The following NAALADL2 variants were observed in gnomAD, a reference collection of about 807,000 sequenced individuals.
NAALADL2 encodes the protein N-acetylated alpha-linked acidic dipeptidase like 2, also known as inactive N-acetylated-alpha-linked acidic dipeptidase-like protein 2.
A neutral mutation model predicts 87.2 loss-of-function variants in NAALADL2; 76 were observed. The observed-to-expected ratio is 0.87, with a 90% CI of 0.72 to 1.05. The LOEUF is 1.05. Among genes scored for constraint, NAALADL2 ranks in the 50% least tolerant of loss-of-function variants. The pLI, the probability that NAALADL2 is intolerant of heterozygous loss-of-function variation, is 0.00. For synonymous variants in NAALADL2, 354 were observed against 331.0 expected (o/e 1.07, Z -0.75); for missense variants, 1,089 against 945.8 (o/e 1.15, Z -1.99).
At chr3:175,708,139 A>G (rs756699039) in intron 11 of NAALADL2, among the ~76,000 whole-genome samples, 2 of 152,124 alleles carry the variant, frequency 1.3e-5, no homozygotes, top group South Asian at 4.1e-4. Flanking sequence ...ACTTCAAGAC[A>G]TAAATATAAA....
chr3:175,000,758 C>A (rs1353000238), intron 1 of NAALADL2, among the ~76,000 whole-genome samples: 1 of 152,138 alleles, frequency 6.6e-6, no homozygotes, highest in Non-Finnish European at 1.5e-5. Flanking sequence ...TAACACCAAC[C>A]ATTTAAAAAT....
intron 1 of NAALADL2, among the ~76,000 whole-genome samples, chr3:174,957,137 C>T (rs1014399435): frequency 1.3e-5 from 2 of 151,878 alleles, no homozygotes; most frequent in Admixed American, 6.6e-5. Context: ...TAACAAAAGG[C>T]GACAAGCATC....
chr3:175,713,532 C>G (rs773030387), intron 11 of NAALADL2, among the ~76,000 whole-genome samples: 11 of 151,916 alleles, frequency 7.2e-5, no homozygotes, highest in Non-Finnish European at 1.3e-4. Flanking sequence ...GAATTCCATG[C>G]CTTCTGATAT....
intron 1 of NAALADL2, among the ~76,000 whole-genome samples, chr3:175,079,832 A>T (rs1717393772): frequency 7.4e-6 from 1 of 135,612 alleles, no homozygotes; most frequent in African/African-American, 3.0e-5. Flanking sequence ...ACATACTCAA[A>T]CAGTTATTCA....
At chr3:175,495,094 T>TATATATATATATATATATATATA (rs1167550415) in intron 9 of NAALADL2, among the ~76,000 whole-genome samples, 30 of 133,238 alleles carry the variant, frequency 2.3e-4, no homozygotes, top group Admixed American at 5.5e-4. Context: ...ATATATATAT[T>TATATATATATATATATATATATA]TTTTTTTAAT....
chr3:174,660,506 G>A (rs964066192), intron 2 of NAALADL2, among the ~76,000 whole-genome samples: 1 of 152,052 alleles, frequency 6.6e-6, no homozygotes, highest in Non-Finnish European at 1.5e-5. Context: ...AAATTTGTAG[G>A]TTGATTTTGA....
At chr3:175,069,018 G>C (rs1386214131) in intron 1 of NAALADL2, among the ~76,000 whole-genome samples, 1 of 152,020 alleles carries the variant, frequency 6.6e-6, no homozygotes, top group East Asian at 1.9e-4. Context: ...ATTCAAGATG[G>C]ATTAAAGACT....
At chr3:175,313,446 G>A (rs1317915449) in intron 4 of NAALADL2, among the ~76,000 whole-genome samples, 1 of 152,190 alleles carries the variant, frequency 6.6e-6, no homozygotes, top group Non-Finnish European at 1.5e-5. Context: ...TGTTTTGAAG[G>A]AGCTAAATGA....
rs553924735 is a variant in NAALADL2 at position 175,775,370 on chromosome 3, G to T, written c.2189+19952G>T. Among the ~76,000 whole-genome samples the T allele has an allele frequency of 1.8e-4, 27 of 152,058 alleles. 1 individual carries two copies. Among genetic ancestry groups the T allele is most frequent in the Middle Eastern group, 3.4e-3 (1 of 292 alleles). ...TTATCCTTGAATAATATTATTTTCA[G>T]ATGAAATTACTTGTAATAATAGTAG... On this transcript the variant is annotated intron_variant, in intron 13 of 13. Transcript: ENST00000454872.
chr3:174,717,411 A>G (rs1383211606), intron 2 of NAALADL2, among the ~76,000 whole-genome samples: 3 of 152,218 alleles, frequency 2.0e-5, no homozygotes, highest in Non-Finnish European at 4.4e-5. Context: ...GAAAAATGTC[A>G]TGCCGGTCTT....
At position 175,422,687 on chromosome 3, in the gene NAALADL2, T is replaced by C. The variant is rs78008096; in HGVS notation, c.1091-24542T>C. ...CAGAGACAAAAAATAACTTTTAGCT[T>C]TTTATAAAGCTGAGCAGATACAACA... On this transcript the variant is annotated intron_variant, in intron 5 of 13. Coordinates refer to ENST00000454872, the MANE Select transcript of NAALADL2 (RefSeq NM_207015.3). Among the ~76,000 whole-genome samples the C allele has an allele frequency of 3.3e-3, 500 of 152,122 alleles. 2 individuals carry two copies. Among genetic ancestry groups the C allele is most frequent in the African/African-American group, 0.011 (450 of 41,516 alleles).
intron 5 of NAALADL2, among the ~76,000 whole-genome samples, chr3:175,416,812 A>T (rs1471764003): frequency 6.6e-6 from 1 of 151,718 alleles, no homozygotes; most frequent in Non-Finnish European, 1.5e-5. Flanking sequence ...AGATGATTGC[A>T]AAAAAAAGTG....
intron 2 of NAALADL2, among the ~76,000 whole-genome samples, chr3:175,171,383 A>G (rs1359851185): frequency 1.3e-5 from 2 of 152,046 alleles, no homozygotes; most frequent in Non-Finnish European, 2.9e-5. Context: ...TAACAATCGA[A>G]TAGCAGATTT....
At chr3:174,809,661 C>T (rs1036774021) in intron 3 of NAALADL2, among the ~76,000 whole-genome samples, 1 of 149,152 alleles carries the variant, frequency 6.7e-6, no homozygotes, top group African/African-American at 2.5e-5. Flanking sequence ...TTTTTTTTTA[C>T]TACATAGTAA....
chr3:174,828,227 G>C (rs907364253), intron 3 of NAALADL2, among the ~76,000 whole-genome samples: 9 of 151,466 alleles, frequency 5.9e-5, no homozygotes, highest in African/African-American at 2.2e-4. Context: ...CCAAAAGATG[G>C]ATTAGTCTTA....
At chr3:175,648,199 T>G (rs1310425111) in intron 11 of NAALADL2, among the ~76,000 whole-genome samples, 1 of 152,188 alleles carries the variant, frequency 6.6e-6, no homozygotes, top group Non-Finnish European at 1.5e-5. Context: ...TTCACTTCAC[T>G]TTCCTTGTGT....
chr3:175,712,295 G>A (rs1484321467), intron 11 of NAALADL2, among the ~76,000 whole-genome samples: 1 of 151,936 alleles, frequency 6.6e-6, no homozygotes, highest in East Asian at 1.9e-4. Context: ...TCATCCGTCT[G>A]CATGGCAATA....
At chr3:175,295,092 T>A (rs1312880100) in intron 4 of NAALADL2, among the ~76,000 whole-genome samples, 1 of 152,102 alleles carries the variant, frequency 6.6e-6, no homozygotes, top group Non-Finnish European at 1.5e-5. Flanking sequence ...GGTAAAAGAG[T>A]GTATGGCACA....
chr3:175,153,000 TTACAC>T (rs1731771359), intron 2 of NAALADL2, among the ~76,000 whole-genome samples: 1 of 151,922 alleles, frequency 6.6e-6, no homozygotes, highest in Non-Finnish European at 1.5e-5. Context: ...AATAGAAAAA[TTACAC>T]ATTCATAAGT....
Sources: allele counts gnomAD v4.1 joint callset (sites outside exome capture counted in the v4.1 genomes callset), GRCh38; gene constraint gnomAD v4.1.1; transcripts MANE v1.5; gene names NCBI Gene and HGNC (gene_info 2026-07-23, HGNC 2026-07-21).